CLSTN2: variants seen among roughly 807,000 people sequenced by gnomAD.
CLSTN2 encodes calsyntenin-2.
CLSTN2 carries 48 observed loss-of-function variants against 101.2 expected under a neutral mutation model. The ratio of observed to expected loss-of-function variants is 0.47; its 90% CI spans 0.38 to 0.60. CLSTN2 has a LOEUF of 0.60. CLSTN2 is among the 20% of genes least tolerant of loss of function. CLSTN2 has a pLI of 0.00. For missense variants in CLSTN2, 1,160 were observed against 1,238.2 expected, an observed-to-expected ratio of 0.94 and a Z score of 0.95; for synonymous variants, 481 against 463.6, an observed-to-expected ratio of 1.04 and a Z score of -0.48.
In CLSTN2 at chr3:140,576,141, A is replaced by G. The variant is rs1985725075; in HGVS notation, c.*9888A>G. 6.6e-6 allele frequency: 1 copy of G among 152,188 alleles called. No individual in the cohort carries two copies. The highest frequency in any genetic ancestry group is 1.5e-5 in the Non-Finnish European group (1 of 68,038). 9.4% of individuals were successfully genotyped at this position (152,188 alleles called of 1,614,324 possible). ...ATCCAGCCACACTCCCTCTTAGCTG[A>G]GGAGAAGCCTCTGTGAATCCACAGA... On this transcript the variant is annotated 3_prime_UTR_variant, in exon 17 of 17. Transcript: ENST00000458420.
At chr3:140,384,006 C>T (rs992112225) in intron 2 of CLSTN2, among the ~76,000 whole-genome samples, 1 of 152,202 alleles carries the variant, frequency 6.6e-6, no homozygotes, top group Admixed American at 6.5e-5. Flanking sequence ...TGCATTAGCT[C>T]CTGACACCCA....
At chr3:140,061,227 G>A (rs1341587740) in intron 1 of CLSTN2, among the ~76,000 whole-genome samples, 1 of 152,160 alleles carries the variant, frequency 6.6e-6, no homozygotes, top group Non-Finnish European at 1.5e-5. Context: ...ACCCTCAGGG[G>A]AGAGGAATTA....
intron 1 of CLSTN2, among the ~76,000 whole-genome samples, chr3:139,981,668 C>T (rs1205205814): frequency 6.6e-6 from 1 of 152,324 alleles, no homozygotes; most frequent in East Asian, 1.9e-4. Context: ...CCTGCATTTG[C>T]TAAATCAATT....
intron 1 of CLSTN2, among the ~76,000 whole-genome samples, chr3:139,943,658 C>T (rs1935170950): frequency 6.6e-6 from 1 of 152,136 alleles, no homozygotes; most frequent in South Asian, 2.1e-4. Flanking sequence ...TAGTCACTTC[C>T]CCAGGGGTGC....
intron 1 of CLSTN2, among the ~76,000 whole-genome samples, chr3:139,948,073 C>A (rs1335927733): frequency 6.6e-6 from 1 of 152,114 alleles, no homozygotes; most frequent in Admixed American, 6.5e-5. Context: ...ATCACATTAG[C>A]CTTTAGCACT....
At chr3:140,493,965 G>GACAGAGCTGTCCACATCACAGAATGTCTT (rs1381128271) in intron 8 of CLSTN2, among the ~76,000 whole-genome samples, 1 of 152,130 alleles carries the variant, frequency 6.6e-6, no homozygotes, top group African/African-American at 2.4e-5. Flanking sequence ...TGATGTTGAG[G>GACAGAGCTGTCCACATCACAGAATGTCTT]ACAGAGCTGT....
intron 9 of CLSTN2, among the ~76,000 whole-genome samples, chr3:140,544,798 G>A (rs545975024): frequency 6.6e-6 from 1 of 152,156 alleles, no homozygotes. Context: ...GGTGGGCAGA[G>A]GGGGATCATG....
At chr3:140,063,919 G>T (rs1217950577) in intron 1 of CLSTN2, among the ~76,000 whole-genome samples, 2 of 152,206 alleles carry the variant, frequency 1.3e-5, no homozygotes, top group Non-Finnish European at 2.9e-5. Context: ...CTCTGGACAA[G>T]TCTAACAGTG....
intron 1 of CLSTN2, among the ~76,000 whole-genome samples, chr3:140,089,017 A>G (rs1479337647): frequency 1.3e-5 from 2 of 152,194 alleles, no homozygotes; most frequent in Non-Finnish European, 2.9e-5. Context: ...GACAAAAAAA[A>G]GCACAAACAT....
intron 5 of CLSTN2, among the ~76,000 whole-genome samples, chr3:140,424,263 C>G (rs540516984): frequency 6.6e-6 from 1 of 152,360 alleles, no homozygotes; most frequent in East Asian, 1.9e-4. Context: ...GGGATGTCCT[C>G]TCTCTCAGTC....
chr3:140,484,463 A>C (rs141418271), intron 8 of CLSTN2, among the ~76,000 whole-genome samples: 1 of 151,980 alleles, frequency 6.6e-6, no homozygotes, highest in South Asian at 2.1e-4. Flanking sequence ...CTTCTCAAGG[A>C]GTATCTTTGT....
chr3:140,079,575 C>G (rs1261325765), intron 1 of CLSTN2, among the ~76,000 whole-genome samples: 3 of 151,994 alleles, frequency 2.0e-5, no homozygotes, highest in Non-Finnish European at 2.9e-5. Context: ...CACAGTGAAA[C>G]CCCATCTTTA....
intron 1 of CLSTN2, among the ~76,000 whole-genome samples, chr3:140,103,271 C>G (rs2008997860): frequency 6.6e-6 from 1 of 152,214 alleles, no homozygotes; most frequent in African/African-American, 2.4e-5. Context: ...GGATTGCTAA[C>G]TTCCACATGG....
At chr3:140,070,726 A>G (rs2008377686) in intron 1 of CLSTN2, among the ~76,000 whole-genome samples, 1 of 152,124 alleles carries the variant, frequency 6.6e-6, no homozygotes, top group African/African-American at 2.4e-5. Context: ...AAATGATACT[A>G]TGGCTCATTC....
intron 1 of CLSTN2, among the ~76,000 whole-genome samples, chr3:139,983,980 T>A: frequency 6.6e-6 from 1 of 152,242 alleles, no homozygotes; most frequent in Admixed American, 6.5e-5. Context: ...CTTCATTCCT[T>A]ACATTTCTTT....
chr3:140,360,018 A>ACACG (rs1553736140), intron 2 of CLSTN2, among the ~76,000 whole-genome samples: 1 of 151,668 alleles, frequency 6.6e-6, no homozygotes, highest in African/African-American at 2.4e-5. Context: ...ACACACACAC[A>ACACG]CACACACACA....
intron 1 of CLSTN2, among the ~76,000 whole-genome samples, chr3:140,057,339 G>A (rs1266901992): frequency 6.6e-6 from 1 of 152,222 alleles, no homozygotes; most frequent in East Asian, 1.9e-4. Flanking sequence ...ACTTTTGGGA[G>A]CCTTTGCAAT....
intron 1 of CLSTN2, among the ~76,000 whole-genome samples, chr3:140,017,245 C>G (rs1233112942): frequency 6.6e-6 from 1 of 152,226 alleles, no homozygotes; most frequent in Admixed American, 6.5e-5. Context: ...TGGGCAGGTA[C>G]TCTCCAGGCA....
chr3:140,457,941 C>T (rs1249474908), intron 6 of CLSTN2, among the ~76,000 whole-genome samples: 5 of 152,206 alleles, frequency 3.3e-5, no homozygotes, highest in Admixed American at 2.6e-4. Context: ...CCAGAAGCCT[C>T]TCCCAGAGTG....
Sources: gnomAD v4.1 joint callset for allele counts (sites outside exome capture counted in the v4.1 genomes callset) on GRCh38, gnomAD v4.1.1 for gene constraint, MANE v1.5 for transcripts, NCBI Gene and HGNC (gene_info 2026-07-23, HGNC 2026-07-21) for gene names.